The following OPRD1 variants were observed in gnomAD, a reference collection of about 807,000 sequenced individuals.
OPRD1 encodes delta-type opioid receptor.
A neutral mutation model predicts 17.5 loss-of-function variants in OPRD1; 19 were observed. That is an observed-to-expected ratio of 1.09 (90% confidence interval 0.76 to 1.60). The LOEUF is 1.60. OPRD1 is among the 40% of genes most tolerant of loss of function. The probability of loss-of-function intolerance (pLI) is 0.00; values close to 1 mark genes in which losing one functional copy is unlikely to be tolerated. For synonymous variants in OPRD1, 256 were observed against 240.9 expected, an observed-to-expected ratio of 1.06 and a Z score of -0.58; for missense variants, 483 against 547.2, an observed-to-expected ratio of 0.88 and a Z score of 1.17.
chr1:28,841,571 G>A (rs565131319), intron 1 of OPRD1, among the ~76,000 whole-genome samples: 6 of 152,284 alleles, frequency 3.9e-5, no homozygotes, highest in African/African-American at 1.2e-4. Flanking sequence ...AGTGCTTGGC[G>A]CATAAGAGAA....
chr1:28,835,593 C>A (rs2088844975), intron 1 of OPRD1, among the ~76,000 whole-genome samples: 1 of 152,108 alleles, frequency 6.6e-6, no homozygotes, highest in South Asian at 2.1e-4. Flanking sequence ...TGGAGGGCAA[C>A]CACCCTTTGT....
chr1:28,864,189 G>T lies in OPRD1; in HGVS notation c.*906G>T. The stretch of plus-strand genomic sequence containing the variant: ...AGGTGAGAGGATCACTTGATCCCAG[G>T]AGTTTGAAGCTGCAGTGAGCTATGG... On this transcript the variant is annotated 3_prime_UTR_variant, in exon 3 of 3. Coordinates refer to ENST00000234961, the MANE Select transcript of OPRD1 (RefSeq NM_000911.4). The T allele has an allele frequency of 6.6e-6, 1 of 152,604 alleles. No homozygotes were observed. The highest frequency in any genetic ancestry group is 2.0e-4 in the South Asian group (1 of 4,996). The allele number at this position is 152,604 out of a possible 1,614,324, so 9.5% of individuals were successfully genotyped here. A position where few individuals can be genotyped will look rare whatever the true frequency, so the allele number is the denominator to read the frequency against.
rs1370509700 is a variant in OPRD1 at position 28,871,098 on chromosome 1, G to A, written c.*7815G>A. ...CCCAGAGACAGGGAAAAGAATGCCT[G>A]GGGGTCTGTAATAGGAGCTGCCCCA... is the stretch of plus-strand genomic sequence containing the variant. On this transcript the variant is annotated 3_prime_UTR_variant, in exon 3 of 3. Transcript: ENST00000234961. 6.6e-6 allele frequency: 1 copy of A among 152,196 alleles called. No homozygotes were observed. The highest frequency in any genetic ancestry group is 2.4e-5 in the African/African-American group (1 of 41,442). The allele number at this position is 152,196 out of a possible 1,614,324, so 9.4% of individuals were successfully genotyped here. A position where few individuals can be genotyped will look rare whatever the true frequency, so the allele number is the denominator to read the frequency against.
intron 1 of OPRD1, among the ~76,000 whole-genome samples, chr1:28,822,710 G>A (rs981283569): frequency 6.6e-5 from 10 of 151,240 alleles, no homozygotes; most frequent in African/African-American, 2.2e-4. Context: ...GGTTGGTCTC[G>A]CACTCCTGAC....
intron 1 of OPRD1, among the ~76,000 whole-genome samples, chr1:28,825,415 T>C (rs1264353603): frequency 6.6e-6 from 1 of 152,094 alleles, no homozygotes; most frequent in African/African-American, 2.4e-5. Context: ...AGACAGAGTC[T>C]CACTCTGTTG....
chr1:28,826,900 T>C (rs1298625743), intron 1 of OPRD1, among the ~76,000 whole-genome samples: 1 of 152,258 alleles, frequency 6.6e-6, no homozygotes, highest in Non-Finnish European at 1.5e-5. Context: ...TCAAATCCTA[T>C]TGCTGCTTTA....
rs2089189155 is a variant in OPRD1, at chr1:28,867,945, T to C, written c.*4662T>C. ...GAGAGAAGAGACTGGAGATCCAGCT[T>C]GGGGATCCCCTTGCTTCCTGGCCCA... is the stretch of plus-strand genomic sequence containing the variant. On this transcript the variant is annotated 3_prime_UTR_variant, in exon 3 of 3. Coordinates refer to ENST00000234961, the MANE Select transcript of OPRD1 (RefSeq NM_000911.4). The C allele has an allele frequency of 6.6e-6, 1 of 152,134 alleles. No homozygotes were observed. The highest frequency in any genetic ancestry group is 1.5e-5 in the Non-Finnish European group (1 of 68,068). 9.4% of individuals were successfully genotyped at this position (152,134 alleles called of 1,614,324 possible).
intron 1 of OPRD1, among the ~76,000 whole-genome samples, chr1:28,848,419 C>A (rs1320809752): frequency 6.6e-6 from 1 of 152,196 alleles, no homozygotes; most frequent in Non-Finnish European, 1.5e-5. Flanking sequence ...CTGTCACCCC[C>A]ACTAGGCAGT....
Position 28,812,417 on chromosome 1 carries a change from C to T in OPRD1, c.34C>T (p.Gln12Ter). 1.4e-6 allele frequency: 2 copies of T among 1,471,690 alleles called. 1 individual carries two copies. The highest frequency in any genetic ancestry group is 1.8e-6 in the Non-Finnish European group (2 of 1,117,954). 91.2% of individuals were successfully genotyped at this position (1,471,690 alleles called of 1,614,324 possible). A position where few individuals can be genotyped will look rare whatever the true frequency, so the allele number is the denominator to read the frequency against. Residue 12 changes from glutamine (Q) to a stop codon, truncating the protein, a stop_gained, in exon 1 of 3, where the codon CAG becomes TAG. Coordinates refer to ENST00000234961, the MANE Select transcript of OPRD1 (RefSeq NM_000911.4). LOFTEE classifies it high-confidence loss of function. ...GGCCCCCTCCGCCGGCGCCGAGCTG[C>T]AGCCCCCGCTCTTCGCCAACGCCTC... is the stretch of plus-strand genomic sequence containing the variant. Reference protein sequence around the residue: ...EPAPSAGAELQPPLFANASDA... With the variant: ...EPAPSAGAEL
At chr1:28,846,204 C>G (rs1040035738) in intron 1 of OPRD1, among the ~76,000 whole-genome samples, 2 of 152,230 alleles carry the variant, frequency 1.3e-5, no homozygotes, top group Admixed American at 1.3e-4. Flanking sequence ...TTGGACCAAC[C>G]TTCCTCCTTC....
chr1:28,840,871 A>C (rs1381588950), intron 1 of OPRD1, among the ~76,000 whole-genome samples: 1 of 152,194 alleles, frequency 6.6e-6, no homozygotes, highest in African/African-American at 2.4e-5. Context: ...CAGTGAGCTG[A>C]GATCACACCA....
intron 1 of OPRD1, among the ~76,000 whole-genome samples, chr1:28,833,291 G>A (rs2088823448): frequency 6.6e-6 from 1 of 152,244 alleles, no homozygotes; most frequent in Admixed American, 6.5e-5. Flanking sequence ...CAGCTCAGGA[G>A]ACTGCGTGGC....
chr1:28,827,930 GT>G (rs2088780099), intron 1 of OPRD1, among the ~76,000 whole-genome samples: 1 of 151,768 alleles, frequency 6.6e-6, no homozygotes, highest in African/African-American at 2.4e-5. Context: ...TAGAGCCGGA[GT>G]TTCTGTGTTG....
chr1:28,828,551 G>T (rs888697996), intron 1 of OPRD1, among the ~76,000 whole-genome samples: 2 of 152,224 alleles, frequency 1.3e-5, no homozygotes, highest in Middle Eastern at 3.4e-3. Flanking sequence ...GCTGGGTGCG[G>T]TGGCTCATAC....
At chr1:28,812,880 T>G (rs2088644427) in intron 1 of OPRD1, among the ~76,000 whole-genome samples, 1 of 152,152 alleles carries the variant, frequency 6.6e-6, no homozygotes, top group South Asian at 2.1e-4. Context: ...TCCCCTTGCT[T>G]CTTTGTGGGA....
intron 1 of OPRD1, among the ~76,000 whole-genome samples, chr1:28,848,758 C>T (rs774589860): frequency 5.9e-5 from 9 of 152,220 alleles, no homozygotes; most frequent in Non-Finnish European, 1.3e-4. Flanking sequence ...TCAATACCAG[C>T]TCTGCCACTT....
rs1363527997 is a variant in OPRD1, at chr1:28,812,261, C to T, written c.-123C>T. The T allele has an allele frequency of 4.0e-6, 2 of 501,096 alleles. 1 individual carries two copies. The highest frequency in any genetic ancestry group is 5.6e-6 in the Non-Finnish European group (2 of 356,410). The allele number at this position is 501,096 out of a possible 1,614,324, so 31.0% of individuals were successfully genotyped here. The stretch of plus-strand genomic sequence containing the variant: ...CGGACGAGGCGCAGAGACAGCGGGG[C>T]GGCCGGGGCGCGGCAGCCGGCGGCG... On this transcript the variant is annotated 5_prime_UTR_variant, in exon 1 of 3. Transcript: ENST00000234961.
intron 1 of OPRD1, among the ~76,000 whole-genome samples, chr1:28,849,964 C>CA (rs2088985833): frequency 6.6e-6 from 1 of 150,562 alleles, no homozygotes; most frequent in Non-Finnish European, 1.5e-5. Context: ...ACTGCAAGCT[C>CA]CGCCTCCCAG....
chr1:28,821,587 G>A (rs2088712628), intron 1 of OPRD1, among the ~76,000 whole-genome samples: 1 of 152,096 alleles, frequency 6.6e-6, no homozygotes, highest in African/African-American at 2.4e-5. Flanking sequence ...AGTCATGATC[G>A]CATTGCATGT....
Sources: gnomAD v4.1 joint callset for allele counts (sites outside exome capture counted in the v4.1 genomes callset) on GRCh38, gnomAD v4.1.1 for gene constraint, MANE v1.5 for transcripts, NCBI Gene and HGNC (gene_info 2026-07-23, HGNC 2026-07-21) for gene names.